TNR: variants seen among roughly 807,000 people sequenced by gnomAD.
TNR encodes tenascin-R.
A neutral mutation model predicts 150.4 loss-of-function variants in TNR; 45 were observed. The observed-to-expected ratio is 0.30, with a 90% CI of 0.24 to 0.38. The LOEUF (loss-of-function observed/expected upper bound fraction) is 0.38. TNR is among the 10% of genes least tolerant of loss of function. The pLI, the probability that TNR is intolerant of heterozygous loss-of-function variation, is 1.00. For missense variants in TNR, 1,544 were observed against 1,759.1 expected, an observed-to-expected ratio of 0.88 and a Z score of 2.19; for synonymous variants, 687 against 678.4, an observed-to-expected ratio of 1.01 and a Z score of -0.20.
At chr1:175,638,731 C>T (rs1346684804) in intron 1 of TNR, among the ~76,000 whole-genome samples, 2 of 152,144 alleles carry the variant, frequency 1.3e-5, no homozygotes, top group African/African-American at 2.4e-5. Flanking sequence ...TAAAAAAACA[C>T]CAAGTCCAAA....
In TNR at chr1:175,524,418, TTTTG is replaced by T. The variant is rs949921250; in HGVS notation, c.-64+3847_-64+3850del. Among the ~76,000 whole-genome samples, 20 of 151,596 alleles carry T rather than the reference TTTTG, an allele frequency of 1.3e-4. No homozygotes were observed. In the East Asian group the frequency reaches 2.7e-3, roughly 21 times the overall value. On this transcript the variant is annotated intron_variant, in intron 2 of 22. Transcript: ENST00000367674. ...AGAATCAGGAAATCAAGGGAAAGCT[TTTTG>T]TTTGTTTGTTTTAATGGAGACCAAG...
chr1:175,644,942 A>AT (rs914232412), intron 1 of TNR, among the ~76,000 whole-genome samples: 11 of 151,976 alleles, frequency 7.2e-5, no homozygotes, highest in Admixed American at 4.6e-4. Flanking sequence ...ATAAACTTTA[A>AT]TTTTTTTTAC....
intron 1 of TNR, among the ~76,000 whole-genome samples, chr1:175,548,923 A>C (rs574268429): frequency 6.6e-6 from 1 of 152,218 alleles, no homozygotes; most frequent in Non-Finnish European, 1.5e-5. Context: ...TTCATCACTG[A>C]ATACAACAAC....
At chr1:175,716,075 G>C (rs1390473864) in intron 1 of TNR, among the ~76,000 whole-genome samples, 3 of 152,144 alleles carry the variant, frequency 2.0e-5, no homozygotes, top group Non-Finnish European at 4.4e-5. Flanking sequence ...AATGCAAATG[G>C]AACAATTCTC....
At chr1:175,396,918 C>T in intron 4 of TNR, 111 bp from the exon 5 acceptor site, 1 of 1,409,742 alleles carries the variant, frequency 7.1e-7, no homozygotes, top group South Asian at 1.4e-5. Context: ...ATATGTCCTG[C>T]TGGGCTCAAT....
At chr1:175,491,020 C>T (rs748868534) in intron 2 of TNR, among the ~76,000 whole-genome samples, 8 of 152,154 alleles carry the variant, frequency 5.3e-5, no homozygotes, top group Admixed American at 3.9e-4. Context: ...AGGTATATAC[C>T]GTGGAATAAT....
intron 1 of TNR, among the ~76,000 whole-genome samples, chr1:175,676,400 C>G (rs1051863022): frequency 1.3e-5 from 2 of 152,174 alleles, no homozygotes; most frequent in African/African-American, 4.8e-5. Flanking sequence ...GAAGCCCTCA[C>G]TTTAACTGTC....
intron 2 of TNR, among the ~76,000 whole-genome samples, chr1:175,487,761 G>T (rs1316573319): frequency 6.6e-6 from 1 of 152,196 alleles, no homozygotes; most frequent in Non-Finnish European, 1.5e-5. Context: ...TTTGCTCTGT[G>T]CCTGGTACGT....
At chr1:175,325,742 A>G (rs1429934746) in intron 21 of TNR, among the ~76,000 whole-genome samples, 1 of 152,202 alleles carries the variant, frequency 6.6e-6, no homozygotes, top group Non-Finnish European at 1.5e-5. Context: ...GCTGGAAACC[A>G]TCATTCTCAG....
chr1:175,406,698 T>A lies in TNR; in HGVS notation c.17A>T (p.Glu6Val). Residue 6 changes from glutamate to valine, a missense_variant, in exon 3 of 23, where the codon GAA becomes GTA. By Grantham distance (121) the Glu-to-Val change is moderately radical. Transcript: ENST00000367674. MGADGETVVLKNMLIG... is the reference protein window; with the variant it reads MGADGVTVVLKNMLIG... The stretch of plus-strand genomic sequence containing the variant: ...GAGCATGTTCTTCAGAACCACTGTT[T>A]CCCCATCTGCCCCCATCCTCTCAGC... 6.2e-7 allele frequency: 1 copy of A among 1,614,036 alleles called. No homozygotes were observed. The highest frequency in any genetic ancestry group is 1.7e-5 in the Admixed American group (1 of 60,020).
At chr1:175,649,539 C>T (rs948058852) in intron 1 of TNR, among the ~76,000 whole-genome samples, 5 of 152,066 alleles carry the variant, frequency 3.3e-5, no homozygotes, top group Admixed American at 6.5e-5. Context: ...GCACAGTACT[C>T]GCACAGAGCC....
At chr1:175,680,309 G>T (rs1007524224) in intron 1 of TNR, among the ~76,000 whole-genome samples, 1 of 152,134 alleles carries the variant, frequency 6.6e-6, no homozygotes, top group African/African-American at 2.4e-5. Context: ...GGGAGAGGGG[G>T]CAGGGTGGGC....
chr1:175,696,792 T>C (rs12070411), intron 1 of TNR, among the ~76,000 whole-genome samples: 20,727 of 150,790 alleles, frequency 0.14, 1,600 homozygotes, highest in East Asian at 0.25. Context: ...GGGAGGAAAA[T>C]TGTTTGAACC....
intron 2 of TNR, among the ~76,000 whole-genome samples, chr1:175,520,197 G>C (rs1007489673): frequency 3.9e-5 from 6 of 152,176 alleles, no homozygotes; most frequent in African/African-American, 1.4e-4. Flanking sequence ...GAGGGTTGAG[G>C]TAGACTGAGC....
intron 9 of TNR, among the ~76,000 whole-genome samples, chr1:175,368,991 A>G (rs1426839768): frequency 6.6e-6 from 1 of 151,950 alleles, no homozygotes; most frequent in Non-Finnish European, 1.5e-5. Flanking sequence ...AAACAAAACA[A>G]AAAAACCCAA....
rs145516702 is a variant in TNR at position 175,720,681 on chromosome 1, G to A, written c.-165+22545C>T. ...GGAGCAGGAAGTAATAGATTTTAAT[G>A]TGCAACAAGGCTTCCAGAGGCAACA... On this transcript the variant is annotated intron_variant, in intron 1 of 22. Transcript: ENST00000367674. Among the ~76,000 whole-genome samples the A allele has an allele frequency of 1.2e-4, 19 of 152,342 alleles. No homozygotes were observed. The East Asian group carries it at 3.7e-3, about 29-fold the overall frequency.
At chr1:175,533,343 G>A (rs1660147681) in intron 1 of TNR, among the ~76,000 whole-genome samples, 1 of 152,184 alleles carries the variant, frequency 6.6e-6, no homozygotes, top group Non-Finnish European at 1.5e-5. Context: ...GAAGGAACTC[G>A]AAACTTCTTA....
intron 2 of TNR, among the ~76,000 whole-genome samples, chr1:175,485,656 T>G (rs889938958): frequency 6.6e-6 from 1 of 152,088 alleles, no homozygotes; most frequent in Non-Finnish European, 1.5e-5. Flanking sequence ...TAGAAAAGAT[T>G]CTTCTGGGGA....
chr1:175,665,241 T>A (rs2101899184), intron 1 of TNR, among the ~76,000 whole-genome samples: 1 of 152,292 alleles, frequency 6.6e-6, no homozygotes, highest in Admixed American at 6.5e-5. Flanking sequence ...TTGGATGAGG[T>A]GACTTGATTT....
Sources: allele counts gnomAD v4.1 joint callset (sites outside exome capture counted in the v4.1 genomes callset), GRCh38; gene constraint gnomAD v4.1.1; transcripts MANE v1.5; gene names NCBI Gene and HGNC (gene_info 2026-07-23, HGNC 2026-07-21).